CAB39L: variants seen among roughly 807,000 people sequenced by gnomAD.
CAB39L encodes calcium-binding protein 39-like.
In CAB39L, 23 loss-of-function variants were observed where a neutral mutation model predicts 39.1. The observed-to-expected ratio is 0.59, with a 90% confidence interval of 0.42 to 0.83. The LOEUF (loss-of-function observed/expected upper bound fraction) is 0.83, where lower values mean the gene tolerates loss of function less well. Among genes scored for constraint, CAB39L ranks in the 40% least tolerant of loss-of-function variants. The pLI, the probability that CAB39L is intolerant of heterozygous loss-of-function variation, is 0.00. For missense variants in CAB39L, 366 were observed against 391.9 expected, an observed-to-expected ratio of 0.93 and a Z score of 0.56; for synonymous variants, 126 against 137.2, an observed-to-expected ratio of 0.92 and a Z score of 0.57.
intron 3 of CAB39L, among the ~76,000 whole-genome samples, chr13:49,398,469 C>T (rs1176555995): frequency 6.6e-6 from 1 of 152,010 alleles, no homozygotes; most frequent in African/African-American, 2.4e-5. Flanking sequence ...TTGTCCAAAT[C>T]TACCTGTATC....
chr13:49,404,167 C>G (rs79922290), intron 3 of CAB39L, among the ~76,000 whole-genome samples: 3 of 152,228 alleles, frequency 2.0e-5, no homozygotes, highest in African/African-American at 7.2e-5. Flanking sequence ...CCTCCCCGAA[C>G]TGTAGGCAGC....
At chr13:49,313,289 G>A (rs7986451) in intron 10 of CAB39L, among the ~76,000 whole-genome samples, 140,366 of 152,044 alleles carry the variant, frequency 0.92, 65,042 homozygotes, top group Non-Finnish European at 0.94. Context: ...AGACCATCCT[G>A]GCTAACACGG....
In CAB39L at chr13:49,367,972, T is replaced by C. The variant is rs1202481773; in HGVS notation, c.277-8140A>G. 2.6e-5 allele frequency among the ~76,000 whole-genome samples: 4 copies of C among 152,182 alleles called. No individual in the cohort carries two copies. In the East Asian group the frequency reaches 7.7e-4, roughly 29 times the overall value. ...TGAATTACATAAATTTTATTTATACTGATGTTAAAGACTATATTTGCTGTA... is the reference window on the plus strand; with the variant it reads ...TGAATTACATAAATTTTATTTATACCGATGTTAAAGACTATATTTGCTGTA... On this transcript the variant is annotated intron_variant, in intron 5 of 10. Coordinates refer to ENST00000409308, the MANE Select transcript of CAB39L (RefSeq NM_001079670.3).
intron 3 of CAB39L, among the ~76,000 whole-genome samples, chr13:49,417,053 T>G (rs909461042): frequency 3.9e-5 from 6 of 152,234 alleles, no homozygotes; most frequent in Non-Finnish European, 8.8e-5. Context: ...TCACAGTTTA[T>G]GTTGGCATCT....
At position 49,349,455 on chromosome 13, in the gene CAB39L, CATAT is replaced by C. The variant is rs34379188; in HGVS notation, c.564+1285_564+1288del. ...GCTTTTGAAGAAATGAATCTGAATA[CATAT>C]ATATATATATATATATATACATTTA... On this transcript the variant is annotated intron_variant, in intron 7 of 10. Transcript: ENST00000409308. Among the ~76,000 whole-genome samples the C allele has an allele frequency of 2.0e-3, 287 of 141,782 alleles. 1 individual carries two copies. The highest frequency in any genetic ancestry group is 9.0e-3 in the South Asian group (40 of 4,434). 93.0% of individuals were successfully genotyped at this position (141,782 alleles called of 152,430 possible).
At position 49,435,636 on chromosome 13, in the gene CAB39L, G is replaced by C. The variant is rs111776634; in HGVS notation, c.-245-1413C>G. On this transcript the variant is annotated intron_variant, in intron 1 of 10. Transcript: ENST00000409308. ...CTCCCTCAGCCTCCCCAGTAGCTGG[G>C]ATTATAGGTGCTCACCATTACACCC... is the stretch of plus-strand genomic sequence containing the variant. Among the ~76,000 whole-genome samples the C allele has an allele frequency of 1.2e-3, 182 of 152,262 alleles. 1 individual carries two copies. Among genetic ancestry groups the C allele is most frequent in the African/African-American group, 4.4e-3 (181 of 41,560 alleles).
intron 6 of CAB39L, among the ~76,000 whole-genome samples, chr13:49,355,115 C>T (rs1252314851): frequency 3.3e-5 from 5 of 151,570 alleles, no homozygotes; most frequent in Admixed American, 3.3e-4. Context: ...GTGGCTCATG[C>T]ATATAATCCC....
intron 5 of CAB39L, among the ~76,000 whole-genome samples, chr13:49,361,563 A>C (rs1339008599): frequency 3.1e-5 from 1 of 32,216 alleles, no homozygotes; most frequent in African/African-American, 1.3e-4. Flanking sequence ...AGAGAAAGAA[A>C]AGAAAGAAAG....
intron 10 of CAB39L, among the ~76,000 whole-genome samples, chr13:49,312,481 G>C (rs528344663): frequency 5.9e-5 from 9 of 152,308 alleles, no homozygotes; most frequent in African/African-American, 1.9e-4. Flanking sequence ...ATTGCCTGCA[G>C]TATTCAGTAT....
intron 9 of CAB39L, among the ~76,000 whole-genome samples, chr13:49,332,762 T>C (rs1310828900): frequency 6.6e-6 from 1 of 151,898 alleles, no homozygotes; most frequent in Non-Finnish European, 1.5e-5. Context: ...GTATTGTTGC[T>C]CTATCTTAGA....
At chr13:49,311,816 TA>T (rs1954000024) in intron 10 of CAB39L, among the ~76,000 whole-genome samples, 1 of 152,178 alleles carries the variant, frequency 6.6e-6, no homozygotes, top group Non-Finnish European at 1.5e-5. Context: ...TGCAAAAGAG[TA>T]AAAAAGTTTT....
chr13:49,373,312 C>T (rs954667820), intron 5 of CAB39L, among the ~76,000 whole-genome samples: 2 of 152,186 alleles, frequency 1.3e-5, no homozygotes, highest in Non-Finnish European at 2.9e-5. Flanking sequence ...TGCCTAGAGA[C>T]TTCAGCCTTT....
chr13:49,429,759 T>G (rs565568896), intron 3 of CAB39L, among the ~76,000 whole-genome samples: 1 of 152,338 alleles, frequency 6.6e-6, no homozygotes, highest in African/African-American at 2.4e-5. Flanking sequence ...AATGTTCTCT[T>G]ATAGTTTTAA....
intron 4 of CAB39L, among the ~76,000 whole-genome samples, chr13:49,378,516 C>T (rs1301519719): frequency 7.3e-5 from 5 of 68,278 alleles, no homozygotes; most frequent in African/African-American, 3.6e-4. Flanking sequence ...CCCGGCCAGC[C>T]ACCCCGTCCG....
At chr13:49,342,526 T>C (rs1449016447) in intron 8 of CAB39L, among the ~76,000 whole-genome samples, 1 of 152,208 alleles carries the variant, frequency 6.6e-6, no homozygotes, top group Non-Finnish European at 1.5e-5. Context: ...AGTTAAGTGC[T>C]GCTTTAAGAC....
At chr13:49,329,340 T>G (rs888844855) in intron 10 of CAB39L, among the ~76,000 whole-genome samples, 2 of 151,860 alleles carry the variant, frequency 1.3e-5, no homozygotes, top group Non-Finnish European at 2.9e-5. Flanking sequence ...AGTTGGGATT[T>G]TGAATGGAAC....
chr13:49,436,386 CTACTT>C (rs1489845052), intron 1 of CAB39L, among the ~76,000 whole-genome samples: 1 of 152,022 alleles, frequency 6.6e-6, no homozygotes, highest in Admixed American at 6.5e-5. Context: ...CTTAGGAACT[CTACTT>C]TTACTTATTT....
chr13:49,434,180 A>G lies in CAB39L; in HGVS notation c.-202T>C. 2.2e-6 allele frequency: 1 copy of G among 456,120 alleles called. No individual in the cohort carries two copies. Among genetic ancestry groups the G allele is most frequent in the Non-Finnish European group, 4.4e-6 (1 of 226,842 alleles). The allele number at this position is 456,120 out of a possible 1,614,324, so 28.3% of individuals were successfully genotyped here. A position where few individuals can be genotyped will look rare whatever the true frequency, so the allele number is the denominator to read the frequency against. ...TACGTTCTGAACAGCAACTTAGAAC[A>G]CTTTGCTCCTGATATTCTTTCTTCT... On this transcript the variant is annotated 5_prime_UTR_variant, in exon 2 of 11. Coordinates refer to ENST00000409308, the MANE Select transcript of CAB39L (RefSeq NM_001079670.3).
At chr13:49,373,511 AG>A (rs1955978730) in intron 5 of CAB39L, among the ~76,000 whole-genome samples, 2 of 152,238 alleles carry the variant, frequency 1.3e-5, no homozygotes, top group Non-Finnish European at 2.9e-5. Context: ...TGCTATCCAA[AG>A]AAGCACCAGG....
Sources: gnomAD v4.1 joint callset for allele counts (sites outside exome capture counted in the v4.1 genomes callset) on GRCh38, gnomAD v4.1.1 for gene constraint, MANE v1.5 for transcripts, NCBI Gene and HGNC (gene_info 2026-07-23, HGNC 2026-07-21) for gene names.